The following PPP2R3B variants were observed in gnomAD, a reference collection of about 807,000 sequenced individuals.
PPP2R3B encodes protein phosphatase 2 regulatory subunit B''beta.
A neutral mutation model predicts 72.9 loss-of-function variants in PPP2R3B; 68 were observed. That is an observed-to-expected ratio of 0.93 (90% CI 0.77 to 1.14). The LOEUF (loss-of-function observed/expected upper bound fraction) is 1.14, where lower values mean the gene tolerates loss of function less well. Ranked by LOEUF, PPP2R3B falls within the 50% of genes most tolerant of loss-of-function variation. The pLI, the probability that PPP2R3B is intolerant of heterozygous loss-of-function variation, is 0.00. For synonymous variants in PPP2R3B, 466 were observed against 375.8 expected, an observed-to-expected ratio of 1.24 and a Z score of -2.78; for missense variants, 1,018 against 842.0, an observed-to-expected ratio of 1.21 and a Z score of -2.59.
intron 7 of PPP2R3B, chrX:344,942 TA>T: frequency 5.7e-6 from 2 of 349,854 alleles, no homozygotes; most frequent in Non-Finnish European, 1.1e-5. Flanking sequence ...AAAGCACACT[TA>T]AAGGAATCCT....
At position 386,682 on chromosome X, in the gene PPP2R3B, C is replaced by T. The variant is rs755181505; in HGVS notation, c.10G>A (p.Gly4Ser). Residue 4 changes from glycine (G) to serine (S), a missense_variant, in exon 1 of 13, where the codon GGC becomes AGC. Coordinates refer to ENST00000390665, the MANE Select transcript of PPP2R3B (RefSeq NM_013239.5). MPP[G>S]KVLQPVLKMK... ...TTCAGGACCGGCTGCAGCACTTTGC[C>T]GGGCGGCATGGCGGGGGCTGGGCCC... The T allele has an allele frequency of 7.6e-7, 1 of 1,311,392 alleles. No homozygotes were observed. The highest frequency in any genetic ancestry group is 9.7e-7 in the Non-Finnish European group (1 of 1,033,550). 81.2% of individuals were successfully genotyped at this position (1,311,392 alleles called of 1,614,324 possible).
chrX:347,482 T>C (rs1233178965), intron 3 of PPP2R3B, 108 bp downstream of exon 3: 11 of 1,376,934 alleles, frequency 8.0e-6, no homozygotes, highest in African/African-American at 2.9e-5. Context: ...CGTACAAGGG[T>C]TTCTCCTCTC....
intron 2 of PPP2R3B, among the ~76,000 whole-genome samples, chrX:355,359 A>C (rs905227065): frequency 1.2e-4 from 18 of 152,346 alleles, no homozygotes; most frequent in African/African-American, 4.3e-4. Context: ...GCCTGAAATA[A>C]GGGAGAGCTG....
Position 342,247 on chromosome X carries a change from G to A in PPP2R3B, c.1037-316C>T. ...AGACGGAGAGAGAGACCTCGAGTGT[G>A]ATCACGGAAACAAACACGTTTCAAC... is the stretch of plus-strand genomic sequence containing the variant. On this transcript the variant is annotated intron_variant, in intron 7 of 12. Coordinates refer to ENST00000390665, the MANE Select transcript of PPP2R3B (RefSeq NM_013239.5). 3 of 534,108 alleles carry A rather than the reference G, an allele frequency of 5.6e-6. No individual in the cohort carries two copies. The South Asian group carries it at 6.4e-5, about 11-fold the overall frequency. The allele number at this position is 534,108 out of a possible 1,614,324, so 33.1% of individuals were successfully genotyped here.
In PPP2R3B at chrX:345,662, A is replaced by T. The variant is rs767195264; in HGVS notation, c.890T>A (p.Leu297Gln). The T allele has an allele frequency of 1.9e-6, 3 of 1,612,448 alleles. No homozygotes were observed. In the East Asian group the frequency reaches 6.7e-5, roughly 36 times the overall value. Residue 297 changes from leucine to glutamine, a missense_variant, in exon 7 of 13, where the codon CTG becomes CAG. By Grantham distance (113) the Leu-to-Gln change is moderately radical. Coordinates refer to ENST00000390665, the MANE Select transcript of PPP2R3B (RefSeq NM_013239.5). ...GTTGATGTCCGCCTCCTCCTCCAGC[A>T]GCGCCACATTCTGCCAAAGGACCCA... is the stretch of plus-strand genomic sequence containing the variant. ...RRSSFLQNVA[L>Q]LEEEADINQL...
chrX:363,334 C>CTGAGCCCA (rs2071586957), intron 1 of PPP2R3B, among the ~76,000 whole-genome samples: 1 of 145,670 alleles, frequency 6.9e-6, no homozygotes. Flanking sequence ...GTGCATCTCC[C>CTGAGCCCA]CGAGCCCACC....
intron 1 of PPP2R3B, among the ~76,000 whole-genome samples, chrX:379,354 G>C (rs903913773): frequency 1.5e-4 from 23 of 149,852 alleles, no homozygotes; most frequent in Admixed American, 1.3e-3. Flanking sequence ...GCACCTGTGT[G>C]TATGCACCTA....
chrX:367,238 A>T (rs1250516658), intron 1 of PPP2R3B, among the ~76,000 whole-genome samples: 1 of 152,096 alleles, frequency 6.6e-6, no homozygotes, highest in Non-Finnish European at 1.5e-5. Flanking sequence ...TGACCACATA[A>T]ATCAGTGATA....
At position 341,637 on chromosome X, in the gene PPP2R3B, C is replaced by A. The variant is rs1034640488; in HGVS notation, c.1086-241G>T. ...TTCGTTACTGCTCACTCAGGCCCAG[C>A]GCCCGACAAGAACCCCCGACCTGGG... On this transcript the variant is annotated intron_variant, in intron 8 of 12. Transcript: ENST00000390665. The A allele has an allele frequency of 4.7e-6, 3 of 644,444 alleles. No individual in the cohort carries two copies. The South Asian group carries it at 5.6e-5, about 12-fold the overall frequency. 39.9% of individuals were successfully genotyped at this position (644,444 alleles called of 1,614,324 possible).
chrX:338,843 CGAA>C lies in PPP2R3B; in HGVS notation c.1402_1404del (p.Phe468del). ...TACTTCTCGATGTTGAAGAAGGTGT[CGAA>C]GAAGACGTTAGCCAGCTTGCAGCGC... On this transcript the variant is annotated inframe_deletion, in exon 11 of 13. Transcript: ENST00000390665. 6.2e-7 allele frequency: 1 copy of C among 1,612,428 alleles called. No individual in the cohort carries two copies. The highest frequency in any genetic ancestry group is 8.5e-7 in the Non-Finnish European group (1 of 1,179,686).
At chrX:377,841 G>C (rs1282939201) in intron 1 of PPP2R3B, among the ~76,000 whole-genome samples, 1 of 120,960 alleles carries the variant, frequency 8.3e-6, no homozygotes, top group African/African-American at 3.9e-5. Context: ...ATGCAGGGAC[G>C]GGCCGTCCAC....
At chrX:361,652 G>T in intron 1 of PPP2R3B, 62 bp from the exon 2 acceptor site, 2 of 1,583,810 alleles carry the variant, frequency 1.3e-6, no homozygotes, top group Admixed American at 3.4e-5. Flanking sequence ...TTCTTCACCC[G>T]GACAACACAC....
chrX:368,635 G>C (rs2071783593), intron 1 of PPP2R3B, among the ~76,000 whole-genome samples: 1 of 97,136 alleles, frequency 1.0e-5, no homozygotes, highest in Non-Finnish European at 2.1e-5. Flanking sequence ...GGCACCGACG[G>C]GGGGAAGGCC....
chrX:375,816 A>AGGTGACACACGCCCTGTCCTGCCACGGCG (rs2071980105), intron 1 of PPP2R3B, among the ~76,000 whole-genome samples: 5 of 151,430 alleles, frequency 3.3e-5, no homozygotes, highest in African/African-American at 9.7e-5. Flanking sequence ...CTGCCACGCC[A>AGGTGACACACGCCCTGTCCTGCCACGGCG]GGTGACACAC....
intron 2 of PPP2R3B, 79 bp from the exon 3 acceptor site, chrX:347,772 G>T: frequency 1.9e-6 from 2 of 1,079,906 alleles, no homozygotes; most frequent in Non-Finnish European, 2.6e-6. Context: ...GCGCCTGACC[G>T]ACGCCGCCCA....
chrX:363,489 C>CG (rs1305521845), intron 1 of PPP2R3B, among the ~76,000 whole-genome samples: 275 of 2,052 alleles, frequency 0.13, no homozygotes, highest in Non-Finnish European at 0.18. Context: ...CCGAGCCCAG[C>CG]ATCCCACAAT....
chrX:385,348 A>C (rs1183122638), intron 1 of PPP2R3B, among the ~76,000 whole-genome samples: 1 of 54,044 alleles, frequency 1.9e-5, no homozygotes, highest in East Asian at 6.5e-4. Flanking sequence ...TTTTTTTTTG[A>C]GATGGAGTCT....
At chrX:371,724 G>T (rs948595485) in intron 1 of PPP2R3B, among the ~76,000 whole-genome samples, 3 of 152,044 alleles carry the variant, frequency 2.0e-5, no homozygotes, top group Non-Finnish European at 2.9e-5. Flanking sequence ...CAACCCTGAG[G>T]GTGTGTCCAA....
intron 1 of PPP2R3B, among the ~76,000 whole-genome samples, chrX:378,251 A>C (rs2072042651): frequency 6.6e-6 from 1 of 152,178 alleles, no homozygotes. Flanking sequence ...TCGGGACACA[A>C]TCTTACCATC....
Sources: gnomAD v4.1 joint callset for allele counts (sites outside exome capture counted in the v4.1 genomes callset) on GRCh38, gnomAD v4.1.1 for gene constraint, MANE v1.5 for transcripts, NCBI Gene and HGNC (gene_info 2026-07-23, HGNC 2026-07-21) for gene names.